Variants in NLK observed in about 807,000 individuals in gnomAD.
NLK encodes the protein nemo like kinase.
In NLK, 11 loss-of-function variants were observed where a neutral mutation model predicts 59.0. That is an observed-to-expected ratio of 0.19 (90% CI 0.12 to 0.31). The LOEUF is 0.31. Among genes scored for constraint, NLK ranks in the 10% least tolerant of loss-of-function variants. The pLI, the probability that NLK is intolerant of heterozygous loss-of-function variation, is 1.00. For missense variants in NLK, 410 were observed against 661.1 expected, an observed-to-expected ratio of 0.62 and a Z score of 4.16; for synonymous variants, 235 against 235.9, an observed-to-expected ratio of 1.00 and a Z score of 0.03.
chr17:28,175,730 C>A (rs1908652699), intron 7 of NLK, among the ~76,000 whole-genome samples: 1 of 152,142 alleles, frequency 6.6e-6, no homozygotes, highest in Non-Finnish European at 1.5e-5. Flanking sequence ...TAGTGCCTGG[C>A]ACATACTAAA....
intron 1 of NLK, among the ~76,000 whole-genome samples, chr17:28,077,185 G>A (rs139000506): frequency 1.0e-3 from 148 of 143,642 alleles, no homozygotes; most frequent in South Asian, 2.0e-3. Flanking sequence ...GTATTAGTCC[G>A]TTTTCACATT....
chr17:28,122,493 T>G, intron 1 of NLK, 110 bp from the exon 2 acceptor site: 1 of 1,119,722 alleles, frequency 8.9e-7, no homozygotes, highest in Non-Finnish European at 1.3e-6. Context: ...GGACTTAATG[T>G]TGAGTGTTTT....
At chr17:28,092,634 G>A (rs996544774) in intron 1 of NLK, among the ~76,000 whole-genome samples, 2 of 152,130 alleles carry the variant, frequency 1.3e-5, no homozygotes, top group Non-Finnish European at 2.9e-5. Flanking sequence ...AGTTAGTAAA[G>A]CCCTCCCCTT....
chr17:28,060,876 C>T (rs1372360755), intron 1 of NLK, among the ~76,000 whole-genome samples: 1 of 152,136 alleles, frequency 6.6e-6, no homozygotes, highest in Non-Finnish European at 1.5e-5. Context: ...CTCTTTGGAG[C>T]AATCATTGAC....
At chr17:28,192,739 A>G (rs1465661174) in intron 10 of NLK, among the ~76,000 whole-genome samples, 3 of 151,754 alleles carry the variant, frequency 2.0e-5, no homozygotes, top group South Asian at 2.1e-4. Context: ...TGCTTTGGCA[A>G]TTTTTTCCCC....
chr17:28,164,869 C>A (rs576102961), intron 5 of NLK, among the ~76,000 whole-genome samples: 79 of 152,238 alleles, frequency 5.2e-4, no homozygotes, highest in Non-Finnish European at 9.4e-4. Flanking sequence ...TAAATGATTT[C>A]TCTGAACTGT....
intron 1 of NLK, among the ~76,000 whole-genome samples, chr17:28,112,159 A>G (rs1486179725): frequency 6.6e-6 from 1 of 151,922 alleles, no homozygotes; most frequent in Admixed American, 6.6e-5. Context: ...TCTCATTTCC[A>G]GAATCTCCTT....
At chr17:28,046,542 TA>T (rs1016936190) in intron 1 of NLK, among the ~76,000 whole-genome samples, 2 of 152,204 alleles carry the variant, frequency 1.3e-5, no homozygotes, top group African/African-American at 4.8e-5. Context: ...GACATTTTCA[TA>T]ATGCAAAAAC....
In NLK at chr17:28,139,290, C is replaced by T. The variant is rs78269836; in HGVS notation, c.644+6615C>T. On this transcript the variant is annotated intron_variant, in intron 3 of 10. Transcript: ENST00000407008. ...AAAGAACCAAGGTATCCTGAGAGCACTGAGGGGTTCTGATTTTTACTCTTT... is the reference window on the plus strand; with the variant it reads ...AAAGAACCAAGGTATCCTGAGAGCATTGAGGGGTTCTGATTTTTACTCTTT... 6.9e-4 allele frequency among the ~76,000 whole-genome samples: 105 copies of T among 152,190 alleles called. 1 individual carries two copies. The East Asian group carries it at 0.019, about 28-fold the overall frequency.
At chr17:28,048,976 C>A (rs568462668) in intron 1 of NLK, 1 of 152,306 alleles carries the variant, frequency 6.6e-6, no homozygotes, top group Admixed American at 6.5e-5. Context: ...CTCTGTGCTA[C>A]TCCAGTGAAT....
At chr17:28,053,694 A>C (rs939348319) in intron 1 of NLK, among the ~76,000 whole-genome samples, 3 of 152,218 alleles carry the variant, frequency 2.0e-5, no homozygotes, top group African/African-American at 7.2e-5. Flanking sequence ...GAGACATTTG[A>C]ACAAATAGAT....
intron 1 of NLK, among the ~76,000 whole-genome samples, chr17:28,114,923 T>G (rs1905696218): frequency 6.6e-6 from 1 of 152,108 alleles, no homozygotes; most frequent in African/African-American, 2.4e-5. Flanking sequence ...TAACTAAAAA[T>G]GCAAGAAGAA....
intron 5 of NLK, 62 bp downstream of exon 5, chr17:28,163,690 C>A: frequency 1.0e-6 from 1 of 988,770 alleles, no homozygotes; most frequent in Non-Finnish European, 1.5e-6. Flanking sequence ...GGTTTAAGAA[C>A]AACATATTTT....
At chr17:28,201,014 G>T (rs1567746243), downstream of NLK, among the ~76,000 whole-genome samples, 1 of 152,166 alleles carries the variant, frequency 6.6e-6, no homozygotes, top group Non-Finnish European at 1.5e-5. Context: ...ATTTGCATGG[G>T]TCTATTACTG....
intron 7 of NLK, among the ~76,000 whole-genome samples, chr17:28,182,867 T>C (rs879314119): frequency 7.2e-5 from 11 of 152,246 alleles, no homozygotes; most frequent in Non-Finnish European, 1.5e-4. Context: ...TTAAATTGTT[T>C]TTCAAATGAG....
chr17:28,051,363 ATT>A (rs769693760), intron 1 of NLK, among the ~76,000 whole-genome samples: 11 of 141,710 alleles, frequency 7.8e-5, no homozygotes, highest in Non-Finnish European at 3.1e-5. Context: ...CTTGGGAAGG[ATT>A]TTTTTTTTTT....
intron 1 of NLK, among the ~76,000 whole-genome samples, chr17:28,073,399 C>T (rs1281391239): frequency 6.6e-6 from 1 of 152,132 alleles, no homozygotes; most frequent in Non-Finnish European, 1.5e-5. Flanking sequence ...TTTTGTCCAC[C>T]GAGGATTGGC....
At chr17:28,087,264 A>G (rs1351053290) in intron 1 of NLK, among the ~76,000 whole-genome samples, 2 of 152,186 alleles carry the variant, frequency 1.3e-5, no homozygotes, top group African/African-American at 4.8e-5. Context: ...TTTAACTTTT[A>G]TATAGGCTGT....
intron 1 of NLK, among the ~76,000 whole-genome samples, chr17:28,079,672 TAAA>T (rs1910279024): frequency 6.6e-6 from 1 of 152,210 alleles, no homozygotes; most frequent in African/African-American, 2.4e-5. Context: ...TGCCCATTTT[TAAA>T]ATCAGGTTAT....
Sources: allele counts gnomAD v4.1 joint callset (sites outside exome capture counted in the v4.1 genomes callset), GRCh38; gene constraint gnomAD v4.1.1; transcripts MANE v1.5; gene names NCBI Gene and HGNC (gene_info 2026-07-23, HGNC 2026-07-21).